Variants in MSX1 observed in about 807,000 individuals in gnomAD.
The protein encoded by MSX1 is homeobox protein MSX-1.
Under a neutral mutation model 17.0 loss-of-function variants are expected in MSX1, and 11 were observed. The ratio of observed to expected loss-of-function variants is 0.65; its 90% CI spans 0.41 to 1.07. MSX1 has a LOEUF of 1.07. Ranked by LOEUF, MSX1 falls within the 50% of genes least tolerant of loss-of-function variation. The probability of loss-of-function intolerance (pLI) is 0.00; values close to 1 mark genes in which losing one functional copy is unlikely to be tolerated. For missense variants in MSX1, 477 were observed against 440.1 expected, an observed-to-expected ratio of 1.08 and a Z score of -0.75; for synonymous variants, 253 against 211.8, an observed-to-expected ratio of 1.19 and a Z score of -1.69.
chr4:4,862,965 T>C lies in MSX1; in HGVS notation c.734T>C (p.Met245Thr), dbSNP rs201781025. ...AAGCTGAAGATGGCCGCCAAGCCCA[T>C]GCTGCCACCGGCTGCCTTCGGCCTC... ...LEKLKMAAKPMLPPAAFGLSF... is the reference protein window; with the variant it reads ...LEKLKMAAKPTLPPAAFGLSF... The change falls in exon 2 of 2, where the codon ATG becomes ACG. Residue 245 changes from methionine to threonine, a missense_variant. Coordinates refer to ENST00000382723, the MANE Select transcript of MSX1 (RefSeq NM_002448.3). 3.1e-6 allele frequency: 5 copies of C among 1,613,152 alleles called. No homozygotes were observed. Among genetic ancestry groups the C allele is most frequent in the East Asian group, 2.2e-5 (1 of 44,868 alleles).
In MSX1 at chr4:4,859,798, G is replaced by C; in HGVS notation, c.-102G>C. ...GCGCGCGGGAGGGTCCGCCCGGCCA[G>C]GGCCCCGGGCGCTCGCAGAGGCCGG... On this transcript the variant is annotated 5_prime_UTR_variant, in exon 1 of 2. Coordinates refer to ENST00000382723, the MANE Select transcript of MSX1 (RefSeq NM_002448.3). The C allele has an allele frequency of 9.5e-7, 1 of 1,048,336 alleles. No individual in the cohort carries two copies. The highest frequency in any genetic ancestry group is 1.2e-6 in the Non-Finnish European group (1 of 820,768). 64.9% of individuals were successfully genotyped at this position (1,048,336 alleles called of 1,614,324 possible).
At chr4:4,861,320 C>T (rs766425118) in intron 1 of MSX1, among the ~76,000 whole-genome samples, 1 of 152,220 alleles carries the variant, frequency 6.6e-6, no homozygotes, top group Non-Finnish European at 1.5e-5. Flanking sequence ...TCTCGGCGCC[C>T]GCCCCTCGGG....
In MSX1 at chr4:4,863,005, C is replaced by A. The variant is rs779018807; in HGVS notation, c.774C>A (p.Gly258=). Residue 258 remains glycine, a synonymous_variant, in exon 2 of 2, where the codon GGC becomes GGA. Coordinates refer to ENST00000382723, the MANE Select transcript of MSX1 (RefSeq NM_002448.3). ...CCTTCGGCCTCTCCTTCCCTCTCGGCGGCCCCGCAGCTGTAGCGGCCGCGG... is the reference window on the plus strand; with the variant it reads ...CCTTCGGCCTCTCCTTCCCTCTCGGAGGCCCCGCAGCTGTAGCGGCCGCGG... ...PAAFGLSFPL[G]GPAAVAAAAG... is the part of the protein sequence containing the mutation. 6.2e-7 allele frequency: 1 copy of A among 1,612,334 alleles called. No individual in the cohort carries two copies. The highest frequency in any genetic ancestry group is 1.1e-5 in the South Asian group (1 of 91,060).
At position 4,862,969 on chromosome 4, in the gene MSX1, G is replaced by A. The variant is rs374562894; in HGVS notation, c.738G>A (p.Leu246=). The A allele has an allele frequency of 5.0e-6, 8 of 1,612,984 alleles. No homozygotes were observed. The highest frequency in any genetic ancestry group is 6.8e-6 in the Non-Finnish European group (8 of 1,179,996). ...EKLKMAAKPM[L]PPAAFGLSFP... ...TGAAGATGGCCGCCAAGCCCATGCT[G>A]CCACCGGCTGCCTTCGGCCTCTCCT... is the stretch of plus-strand genomic sequence containing the variant. Residue 246 remains leucine (L), a synonymous_variant, in exon 2 of 2, where the codon CTG becomes CTA. Transcript: ENST00000382723.
chr4:4,863,032 G>T lies in MSX1; in HGVS notation c.801G>T (p.Ala267=). The part of the protein sequence containing the change: ...LGGPAAVAAA[A]GASLYGASGP... ...GCCCCGCAGCTGTAGCGGCCGCGGC[G>T]GGTGCCTCGCTCTACGGTGCCTCTG... is the stretch of plus-strand genomic sequence containing the variant. The change falls in exon 2 of 2, where the codon GCG becomes GCT. Residue 267 remains alanine, a synonymous_variant. Transcript: ENST00000382723. 1.6e-5 allele frequency: 25 copies of T among 1,610,120 alleles called. No homozygotes were observed. The highest frequency in any genetic ancestry group is 2.0e-5 in the Non-Finnish European group (24 of 1,178,836).
At chr4:4,861,536 C>T (rs1737915977) in intron 1 of MSX1, among the ~76,000 whole-genome samples, 1 of 152,242 alleles carries the variant, frequency 6.6e-6, no homozygotes. Flanking sequence ...TGAAAAAATG[C>T]ATACTTAGGC....
chr4:4,862,426 C>T, intron 1 of MSX1: 1 of 655,254 alleles, frequency 1.5e-6, no homozygotes, highest in South Asian at 1.5e-5. Flanking sequence ...GCTGTTTAGG[C>T]CTAAGATGTG....
At position 4,860,154 on chromosome 4, in the gene MSX1, C is replaced by T. The variant is rs1208794431; in HGVS notation, c.255C>T (p.Gly85=). ...AGAGCGCCCTGGCGCCCTCCGAGGG[C>T]GTGCAGGCGGCGGGTGGCTCGGCGC... ...AKESALAPSE[G]VQAAGGSAQP... is the part of the protein sequence containing the mutation. Residue 85 remains glycine (G), a synonymous_variant, in exon 1 of 2, where the codon GGC becomes GGT. Transcript: ENST00000382723. 5.3e-6 allele frequency: 8 copies of T among 1,509,452 alleles called. No individual in the cohort carries two copies. Among genetic ancestry groups the T allele is most frequent in the Admixed American group, 2.1e-5 (1 of 47,094 alleles). The allele number at this position is 1,509,452 out of a possible 1,614,324, so 93.5% of individuals were successfully genotyped here.
At chr4:4,862,554 T>A in intron 1 of MSX1, 147 bp from the exon 2 acceptor site, 1 of 953,716 alleles carries the variant, frequency 1.0e-6, no homozygotes, top group Non-Finnish European at 1.7e-6. Flanking sequence ...AAAATATATT[T>A]CAAGTGCCTT....
At chr4:4,860,389 C>A (rs773308667) in intron 1 of MSX1, 21 bp downstream of exon 1, 4 of 1,573,428 alleles carry the variant, frequency 2.5e-6, no homozygotes, top group South Asian at 1.1e-5. Flanking sequence ...AGAACCCAGG[C>A]GCAGAGGGAG....
Position 4,859,760 on chromosome 4 carries a change from A to C in MSX1, c.-140A>C. The stretch of plus-strand genomic sequence containing the variant: ...GCACGCCGGAGCTGGCCTGCTGGGG[A>C]GGGGCGGGAGGCGCGCGCGGGAGGG... On this transcript the variant is annotated 5_prime_UTR_variant, in exon 1 of 2. Transcript: ENST00000382723. The C allele has an allele frequency of 1.3e-5, 6 of 477,600 alleles. No homozygotes were observed. Among genetic ancestry groups the C allele is most frequent in the South Asian group, 1.0e-4 (1 of 9,996 alleles). The allele number at this position is 477,600 out of a possible 1,614,324, so 29.6% of individuals were successfully genotyped here.
At chr4:4,860,436 A>G in intron 1 of MSX1, 68 bp downstream of exon 1, 1 of 1,532,936 alleles carries the variant, frequency 6.5e-7, no homozygotes, top group Non-Finnish European at 8.8e-7. Flanking sequence ...GTGGGACCCG[A>G]GGGCTCCTGG....
At chr4:4,862,604 A>T (rs1737942569) in intron 1 of MSX1, 97 bp from the exon 2 acceptor site, 5 of 1,406,392 alleles carry the variant, frequency 3.6e-6, no homozygotes, top group Non-Finnish European at 5.0e-6. Context: ...GGCACTCAAT[A>T]TCTGGTATTG....
chr4:4,859,959 C>G lies in MSX1; in HGVS notation c.60C>G (p.Ala20=). Reference sequence around the variant, plus strand: ...TCGGTGTCAAAGTGGAGGACTCCGCCTTCGGCAAGCCGGCGGGGGGAGGCG... The same window carrying G: ...TCGGTGTCAAAGTGGAGGACTCCGCGTTCGGCAAGCCGGCGGGGGGAGGCG... ...LPLGVKVEDS[A]FGKPAGGGAG... is the part of the protein sequence containing the mutation. The change falls in exon 1 of 2, where the codon GCC becomes GCG. Residue 20 remains alanine, a synonymous_variant. Coordinates refer to ENST00000382723, the MANE Select transcript of MSX1 (RefSeq NM_002448.3). 1 of 1,494,168 alleles carries G rather than the reference C, an allele frequency of 6.7e-7. No homozygotes were observed. Among genetic ancestry groups the G allele is most frequent in the Non-Finnish European group, 8.9e-7 (1 of 1,122,460 alleles). 92.6% of individuals were successfully genotyped at this position (1,494,168 alleles called of 1,614,324 possible). A position where few individuals can be genotyped will look rare whatever the true frequency, so the allele number is the denominator to read the frequency against.
intron 1 of MSX1, 190 bp from the exon 2 acceptor site, chr4:4,862,511 T>A (rs1484318333): frequency 1.3e-6 from 1 of 767,580 alleles, no homozygotes; most frequent in Non-Finnish European, 2.3e-6. Context: ...AGACAGGAAC[T>A]TCTCCCCTGC....
chr4:4,860,324 G>A lies in MSX1; in HGVS notation c.425G>A (p.Arg142Lys), dbSNP rs769759615. 1.2e-6 allele frequency: 2 copies of A among 1,604,410 alleles called. No individual in the cohort carries two copies. The highest frequency in any genetic ancestry group is 8.5e-7 in the Non-Finnish European group (1 of 1,179,702). Residue 142 changes from arginine to lysine, a missense_variant, in exon 1 of 2, where the codon AGG (arginine) becomes AAG (lysine). Physicochemically the swap from Arg to Lys is conservative, Grantham distance 26 (BLOSUM62 2). Coordinates refer to ENST00000382723, the MANE Select transcript of MSX1 (RefSeq NM_002448.3). ...GCCGAGAGCCCCGAGAAGCCCGAGA[G>A]GACCCCGTGGATGCAGAGCCCCCGC... is the stretch of plus-strand genomic sequence containing the variant. Reference protein sequence around the residue: ...VKAESPEKPERTPWMQSPRFS... With the variant: ...VKAESPEKPEKTPWMQSPRFS...
Position 4,863,038 on chromosome 4 carries a change from C to A in MSX1, c.807C>A (p.Ala269=), listed in dbSNP as rs1446726662. The change falls in exon 2 of 2, where the codon GCC becomes GCA. Residue 269 remains alanine, a synonymous_variant. Transcript: ENST00000382723. ...CAGCTGTAGCGGCCGCGGCGGGTGCCTCGCTCTACGGTGCCTCTGGCCCCT... is the reference window on the plus strand; with the variant it reads ...CAGCTGTAGCGGCCGCGGCGGGTGCATCGCTCTACGGTGCCTCTGGCCCCT... ...GPAAVAAAAG[A]SLYGASGPFQ... 6.2e-7 allele frequency: 1 copy of A among 1,609,808 alleles called. No homozygotes were observed. The highest frequency in any genetic ancestry group is 2.2e-5 in the East Asian group (1 of 44,820).
intron 1 of MSX1, among the ~76,000 whole-genome samples, chr4:4,861,066 T>C (rs1232848401): frequency 6.6e-6 from 1 of 152,282 alleles, no homozygotes; most frequent in Non-Finnish European, 1.5e-5. Context: ...CACGGCCCCC[T>C]GGCTGCTCTA....
At chr4:4,861,925 G>A (rs958641487) in intron 1 of MSX1, among the ~76,000 whole-genome samples, 10 of 151,972 alleles carry the variant, frequency 6.6e-5, no homozygotes, top group Admixed American at 5.9e-4. Context: ...ACACACAAAC[G>A]TTTGAGTGGG....
Sources: allele counts gnomAD v4.1 joint callset (sites outside exome capture counted in the v4.1 genomes callset), GRCh38; gene constraint gnomAD v4.1.1; transcripts MANE v1.5; gene names NCBI Gene and HGNC (gene_info 2026-07-23, HGNC 2026-07-21).